Variants in SLCO5A1 observed in about 807,000 individuals in gnomAD.
SLCO5A1 encodes organic anion transporter polypeptide-related protein 4.
In SLCO5A1, 39 loss-of-function variants were observed where a neutral mutation model predicts 65.1. That is an observed-to-expected ratio of 0.60 (90% confidence interval 0.46 to 0.78). The LOEUF is 0.78. SLCO5A1 is among the 30% of genes least tolerant of loss of function. SLCO5A1 has a pLI of 0.00. For missense variants in SLCO5A1, 1,029 were observed against 1,069.4 expected, an observed-to-expected ratio of 0.96 and a Z score of 0.53; for synonymous variants, 438 against 415.7, an observed-to-expected ratio of 1.05 and a Z score of -0.65.
chr8:69,673,215 A>G lies in SLCO5A1; in HGVS notation c.2201T>C (p.Phe734Ser). 1 of 1,614,140 alleles carries G rather than the reference A, an allele frequency of 6.2e-7. No homozygotes were observed. ...GSCWEYNVTS[F>S]RFVYFGLAAG... ...AGCCAAACCAAAATACACAAAACGA[A>G]ACGACGTCACGTTGTACTCCCAGCA... Residue 734 changes from phenylalanine (F) to serine (S), a missense_variant, in exon 10 of 10, where the codon TTT becomes TCT. Physicochemically the swap from Phe to Ser is radical, Grantham distance 155. Coordinates refer to ENST00000260126, the MANE Select transcript of SLCO5A1 (RefSeq NM_030958.3).
intron 2 of SLCO5A1, among the ~76,000 whole-genome samples, chr8:69,823,714 C>A (rs941644030): frequency 6.6e-6 from 1 of 152,124 alleles, no homozygotes; most frequent in African/African-American, 2.4e-5. Context: ...TTAGACAGAT[C>A]AACGAGACAG....
At chr8:69,689,765 G>T (rs1814163940) in intron 6 of SLCO5A1, among the ~76,000 whole-genome samples, 2 of 150,598 alleles carry the variant, frequency 1.3e-5, no homozygotes, top group African/African-American at 5.0e-5. Context: ...TTTGAAGTCA[G>T]GTAGTGTGAT....
chr8:69,711,013 TC>T (rs1034713785), intron 5 of SLCO5A1, among the ~76,000 whole-genome samples: 1 of 39,654 alleles, frequency 2.5e-5, no homozygotes, highest in Non-Finnish European at 5.1e-5. Context: ...CTTCATACTG[TC>T]CCCCCCACTC....
In SLCO5A1 at chr8:69,667,569, T is replaced by G. The variant is rs1813218443; in HGVS notation, c.*5300A>C. On this transcript the variant is annotated 3_prime_UTR_variant, in exon 10 of 10. Transcript: ENST00000260126. ...TTCTAGATACAAACTTTAAACCTCT[T>G]TTGTTCACCCCTTTGGTTTAATGTG... 6.6e-6 allele frequency: 1 copy of G among 152,212 alleles called. No homozygotes were observed. Among genetic ancestry groups the G allele is most frequent in the Non-Finnish European group, 1.5e-5 (1 of 68,030 alleles). 9.4% of individuals were successfully genotyped at this position (152,212 alleles called of 1,614,324 possible). A position where few individuals can be genotyped will look rare whatever the true frequency, so the allele number is the denominator to read the frequency against.
chr8:69,742,794 CTTTTTTTT>C (rs10633803), intron 4 of SLCO5A1, among the ~76,000 whole-genome samples: 83 of 83,196 alleles, frequency 1.0e-3, no homozygotes, highest in African/African-American at 3.7e-3. Flanking sequence ...TGAGTGGATT[CTTTTTTTT>C]TTTTTTTTTT....
intron 9 of SLCO5A1, among the ~76,000 whole-genome samples, chr8:69,676,029 G>A (rs1813533218): frequency 6.6e-6 from 1 of 152,184 alleles, no homozygotes; most frequent in Admixed American, 6.5e-5. Flanking sequence ...CCGTACAAAT[G>A]TACTCTGTGG....
At chr8:69,696,346 G>C (rs577698854) in intron 6 of SLCO5A1, among the ~76,000 whole-genome samples, 1 of 152,334 alleles carries the variant, frequency 6.6e-6, no homozygotes, top group East Asian at 1.9e-4. Context: ...GGCCGCCTTG[G>C]AGAAAGAGGA....
At chr8:69,784,863 G>GAA (rs71275014) in intron 2 of SLCO5A1, among the ~76,000 whole-genome samples, 1 of 87,840 alleles carries the variant, frequency 1.1e-5, no homozygotes, top group African/African-American at 4.8e-5. Context: ...AAGAAAGAAA[G>GAA]GGAAGGAAGG....
At chr8:69,768,736 C>T (rs1476378611) in intron 2 of SLCO5A1, among the ~76,000 whole-genome samples, 3 of 152,172 alleles carry the variant, frequency 2.0e-5, no homozygotes, top group Non-Finnish European at 4.4e-5. Context: ...CTCACCTTAA[C>T]AACCTCCCTA....
At chr8:69,780,603 T>A (rs939296484) in intron 2 of SLCO5A1, among the ~76,000 whole-genome samples, 2 of 152,150 alleles carry the variant, frequency 1.3e-5, no homozygotes, top group African/African-American at 4.8e-5. Context: ...AAATAATGTG[T>A]ACACATGGAT....
intron 9 of SLCO5A1, among the ~76,000 whole-genome samples, chr8:69,673,534 C>T (rs1216911409): frequency 6.6e-6 from 1 of 151,974 alleles, no homozygotes; most frequent in Admixed American, 6.6e-5. Flanking sequence ...CACTTAAAGT[C>T]GAGTTAGCCA....
rs188331070 is a variant in SLCO5A1, at chr8:69,813,973, T to C, written c.907+17794A>G. On this transcript the variant is annotated intron_variant, in intron 2 of 9. Transcript: ENST00000260126. ...CCTTCAGCATATTATTTAATTTCAA[T>C]TTCCTCATCTATAAAATGTGAGAAG... Among the ~76,000 whole-genome samples, 442 of 152,314 alleles carry C rather than the reference T, an allele frequency of 2.9e-3. 2 individuals are homozygous for C. The highest frequency in any genetic ancestry group is 0.01 in the African/African-American group (416 of 41,562).
intron 2 of SLCO5A1, among the ~76,000 whole-genome samples, chr8:69,792,669 T>C (rs1319329976): frequency 1.3e-5 from 2 of 151,792 alleles, no homozygotes; most frequent in Non-Finnish European, 2.9e-5. Flanking sequence ...GTGTGAGAGG[T>C]TTAGGAGAAA....
chr8:69,765,025 TA>T (rs777992591), intron 2 of SLCO5A1, among the ~76,000 whole-genome samples: 1 of 152,298 alleles, frequency 6.6e-6, no homozygotes, highest in East Asian at 1.9e-4. Context: ...CTCCCTAAAA[TA>T]TAGATAAAGC....
At chr8:69,784,926 GAAAGAAAGAAAGAAAGAAAGAAA>G in intron 2 of SLCO5A1, among the ~76,000 whole-genome samples, 1 of 119,742 alleles carries the variant, frequency 8.4e-6, no homozygotes, top group Admixed American at 8.3e-5. Flanking sequence ...AAGAAAGAAA[GAAAGAAAGAAAGAAAGAAAGAAA>G]GAAGAAAGGA....
chr8:69,755,476 A>G lies in SLCO5A1; in HGVS notation c.1206T>C (p.Ser402=), dbSNP rs144873704. 8 of 1,613,948 alleles carry G rather than the reference A, an allele frequency of 5.0e-6. No individual in the cohort carries two copies. In the African/African-American group the frequency reaches 1.1e-4, roughly 22 times the overall value. The change falls in exon 4 of 10, where the codon AGT becomes AGC. Residue 402 remains serine, a synonymous_variant. Transcript: ENST00000260126. ...DDVLKEKSNN[S]EQADKKVSSM... is the part of the protein sequence containing the mutation. Reference sequence around the variant, plus strand: ...AAGAAACTTTTTTGTCCGCTTGTTCACTGTTGTTTGATTTCTCCTTCAGAA... The same window carrying G: ...AAGAAACTTTTTTGTCCGCTTGTTCGCTGTTGTTTGATTTCTCCTTCAGAA...
chr8:69,775,483 C>T (rs946517434), intron 2 of SLCO5A1, among the ~76,000 whole-genome samples: 1 of 152,102 alleles, frequency 6.6e-6, no homozygotes, highest in African/African-American at 2.4e-5. Flanking sequence ...AATCAGATTG[C>T]CACCTGTGAG....
rs1342970364 is a variant in SLCO5A1, at chr8:69,832,120, A to G, written c.554T>C (p.Val185Ala). ...CCGACCCCGGCCGCCGAAGTAGCTG[A>G]CGAACACCACCACCACCAGGTTCCC... is the stretch of plus-strand genomic sequence containing the variant. ...DIGNLVVVVF[V>A]SYFGGRGRRP... Residue 185 changes from valine (V) to alanine (A), a missense_variant, in exon 2 of 10, where the codon GTC becomes GCC. Coordinates refer to ENST00000260126, the MANE Select transcript of SLCO5A1 (RefSeq NM_030958.3). The surrounding 1 kb of genome is among the most constrained non-coding windows in gnomAD (Gnocchi z 4.5). The G allele has an allele frequency of 1.9e-6, 3 of 1,614,124 alleles. No homozygotes were observed. Among genetic ancestry groups the G allele is most frequent in the Non-Finnish European group, 2.5e-6 (3 of 1,180,028 alleles).
At chr8:69,722,671 A>C (rs1815877470) in intron 5 of SLCO5A1, among the ~76,000 whole-genome samples, 1 of 151,926 alleles carries the variant, frequency 6.6e-6, no homozygotes, top group African/African-American at 2.4e-5. Flanking sequence ...TAAAACTGAA[A>C]CCTAGTCTCT....
Sources: allele counts gnomAD v4.1 joint callset (sites outside exome capture counted in the v4.1 genomes callset), GRCh38; gene constraint gnomAD v4.1.1; non-coding constraint Gnocchi (gnomAD v3.1); transcripts MANE v1.5; gene names NCBI Gene and HGNC (gene_info 2026-07-23, HGNC 2026-07-21).